Variants in TJP1 observed in about 807,000 individuals in gnomAD.
TJP1 encodes the protein tight junction protein ZO-1.
A neutral mutation model predicts 194.2 loss-of-function variants in TJP1; 43 were observed. That is an observed-to-expected ratio of 0.22 (90% confidence interval 0.17 to 0.29). TJP1 has a LOEUF of 0.29. TJP1 is among the 10% of genes least tolerant of loss of function. TJP1 has a pLI of 1.00. For synonymous variants in TJP1, 801 were observed against 779.0 expected (o/e 1.03, Z -0.47); for missense variants, 1,971 against 2,185.7 (o/e 0.90, Z 1.96).
intron 2 of TJP1, among the ~76,000 whole-genome samples, chr15:29,868,846 G>A (rs765528091): frequency 4.6e-5 from 7 of 152,156 alleles, no homozygotes; most frequent in Non-Finnish European, 8.8e-5. Flanking sequence ...GTAATAATGA[G>A]CAGAAACTGG....
chr15:29,815,287 T>C (rs1053581529), intron 1 of TJP1, among the ~76,000 whole-genome samples: 2 of 152,226 alleles, frequency 1.3e-5, no homozygotes, highest in African/African-American at 4.8e-5. Context: ...ACCAATTTTA[T>C]AGGATTAACT....
chr15:29,913,198 A>AG (rs1567190637), intron 2 of TJP1, among the ~76,000 whole-genome samples: 6 of 146,634 alleles, frequency 4.1e-5, no homozygotes, highest in African/African-American at 9.9e-5. Flanking sequence ...ACAAAAAAAA[A>AG]AGGGGGTAGA....
intron 2 of TJP1, among the ~76,000 whole-genome samples, chr15:29,783,129 C>G (rs556545805): frequency 3.9e-5 from 6 of 152,144 alleles, no homozygotes; most frequent in African/African-American, 1.4e-4. Context: ...CAAAAATTAG[C>G]CAGGCGTGGT....
At chr15:29,913,259 G>A (rs1338564348) in intron 2 of TJP1, among the ~76,000 whole-genome samples, 3 of 152,148 alleles carry the variant, frequency 2.0e-5, no homozygotes, top group African/African-American at 7.2e-5. Flanking sequence ...TTATTCTACA[G>A]TCAATGGCAA....
intron 2 of TJP1, among the ~76,000 whole-genome samples, chr15:29,839,617 G>A (rs2051153258): frequency 6.6e-6 from 1 of 151,974 alleles, no homozygotes; most frequent in South Asian, 2.1e-4. Flanking sequence ...CTCCATCTTT[G>A]GTGACAGAGA....
chr15:29,720,728 A>AT lies in TJP1; in HGVS notation c.2413-21dup. The AT allele has an allele frequency of 6.5e-7, 1 of 1,548,788 alleles. No homozygotes were observed. The highest frequency in any genetic ancestry group is 8.7e-7 in the Non-Finnish European group (1 of 1,144,204). On this transcript the variant is annotated intron_variant, in intron 18 of 27. Coordinates refer to ENST00000614355, the MANE Select transcript of TJP1 (RefSeq NM_001330239.4). ...ATCCGCCTGGGTCAAATAAAAGTAA[A>AT]TTACAAATTTTATTCAGTAGTTCTT...
chr15:29,795,036 A>T, intron 2 of TJP1, among the ~76,000 whole-genome samples: 1 of 152,244 alleles, frequency 6.6e-6, no homozygotes, highest in East Asian at 1.9e-4. Context: ...ACAGCATTAT[A>T]GAACCATCCA....
At chr15:29,727,136 G>A (rs1027814856) in intron 16 of TJP1, 145 bp from the exon 17 acceptor site, 5 of 664,954 alleles carry the variant, frequency 7.5e-6, no homozygotes, top group African/African-American at 5.5e-5. Flanking sequence ...TTGAGGCCAG[G>A]AGTTCCAGAC....
At position 29,703,369 on chromosome 15, in the gene TJP1, C is replaced by T. The variant is rs12898678; in HGVS notation, c.5212+793G>A. On this transcript the variant is annotated intron_variant, in intron 27 of 27. Coordinates refer to ENST00000614355, the MANE Select transcript of TJP1 (RefSeq NM_001330239.4). ...AGGAGAATCGCTTGAAGCTGGGAGG[C>T]GAAGGTTGCAGTGAGCTGAGATCGT... Among the ~76,000 whole-genome samples, 1,215 of 151,890 alleles carry T rather than the reference C, an allele frequency of 8.0e-3. 7 individuals are homozygous for T. The highest frequency in any genetic ancestry group is 0.013 in the Non-Finnish European group (866 of 67,954).
intron 1 of TJP1, chr15:29,820,481 C>T: frequency 1.4e-6 from 1 of 714,670 alleles, no homozygotes. Context: ...TTTCAATATG[C>T]CATACAAATC....
chr15:29,766,382 T>A lies in TJP1; in HGVS notation c.473A>T (p.Asp158Val), dbSNP rs1257126253. 4 of 1,614,038 alleles carry A rather than the reference T, an allele frequency of 2.5e-6. No homozygotes were observed. The highest frequency in any genetic ancestry group is 8.5e-7 in the Non-Finnish European group (1 of 1,180,044). ...NRRSEKIWPR[D>V]RSASRERSLS... ...GCTCCTCTCTCTACTTGCACTTCTA[T>A]CCCTCGGCCAAATCTTCTCACTCCT... The change falls in exon 5 of 28, where the codon GAT becomes GTT. Residue 158 changes from aspartate (D) to valine (V), a missense_variant. By Grantham distance (152) the Asp-to-Val change is radical. This residue lies in a region of TJP1 where 245 missense variants were observed against 336.6 expected (regional missense o/e 0.73). Coordinates refer to ENST00000614355, the MANE Select transcript of TJP1 (RefSeq NM_001330239.4).
chr15:29,732,268 A>C, intron 15 of TJP1, 165 bp downstream of exon 15: 1 of 620,518 alleles, frequency 1.6e-6, no homozygotes, highest in South Asian at 2.1e-5. Flanking sequence ...TTGGTGGAAC[A>C]AGGACATGGT....
chr15:29,847,712 G>A (rs1394558592), intron 2 of TJP1, among the ~76,000 whole-genome samples: 2 of 152,296 alleles, frequency 1.3e-5, no homozygotes, highest in East Asian at 1.9e-4. Flanking sequence ...GTGAACCCGG[G>A]AGGCGGAGGT....
chr15:29,891,535 G>A (rs918524144), intron 2 of TJP1, among the ~76,000 whole-genome samples: 1 of 152,138 alleles, frequency 6.6e-6, no homozygotes, highest in African/African-American at 2.4e-5. Context: ...GAAGGTTTGT[G>A]GCAACTCTGT....
intron 8 of TJP1, among the ~76,000 whole-genome samples, chr15:29,744,712 T>C (rs1436501809): frequency 6.6e-6 from 1 of 152,130 alleles, no homozygotes; most frequent in East Asian, 1.9e-4. Flanking sequence ...AAAACTTTAT[T>C]TCCAAACATA....
intron 2 of TJP1, among the ~76,000 whole-genome samples, chr15:29,777,751 T>C (rs2047108674): frequency 6.6e-6 from 1 of 152,156 alleles, no homozygotes; most frequent in South Asian, 2.1e-4. Flanking sequence ...TTCTAGAAAG[T>C]ACCCTAAAGA....
rs1233172192 is a variant in TJP1 at position 29,752,032 on chromosome 15, G to A, written c.1010+9107C>T. Among the ~76,000 whole-genome samples, 3 of 151,838 alleles carry A rather than the reference G, an allele frequency of 2.0e-5. No homozygotes were observed. In the East Asian group the frequency reaches 5.8e-4, roughly 29 times the overall value. ...CTCAACCTCTTGGGCTCAAGCAGGC[G>A]ATCCTTCCACCTCAGCCTCCTGAGT... On this transcript the variant is annotated intron_variant, in intron 8 of 27. Coordinates refer to ENST00000614355, the MANE Select transcript of TJP1 (RefSeq NM_001330239.4).
intron 2 of TJP1, among the ~76,000 whole-genome samples, chr15:29,895,090 C>T (rs746143191): frequency 5.3e-5 from 8 of 152,140 alleles, no homozygotes; most frequent in Non-Finnish European, 7.3e-5. Flanking sequence ...CCAATAATCT[C>T]GAAAACGTCT....
chr15:29,890,902 C>A (rs1163827659), intron 2 of TJP1, among the ~76,000 whole-genome samples: 1 of 152,142 alleles, frequency 6.6e-6, no homozygotes. Context: ...CAGTGCAGCC[C>A]GGTGAAGCCT....
Sources: allele counts gnomAD v4.1 joint callset (sites outside exome capture counted in the v4.1 genomes callset), GRCh38; gene constraint gnomAD v4.1.1; regional missense constraint gnomAD v4.1.1; transcripts MANE v1.5; gene names NCBI Gene and HGNC (gene_info 2026-07-23, HGNC 2026-07-21).